The following CSGALNACT2 variants were observed in gnomAD, a reference collection of about 807,000 sequenced individuals.
CSGALNACT2 encodes chondroitin sulfate N-acetylgalactosaminyltransferase 2, also known as beta 4 GalNAcT-2.
Under a neutral mutation model 55.3 loss-of-function variants are expected in CSGALNACT2, and 35 were observed. The ratio of observed to expected loss-of-function variants is 0.63; its 90% confidence interval spans 0.48 to 0.84. CSGALNACT2 has a LOEUF of 0.84. Ranked by LOEUF, CSGALNACT2 falls within the 40% of genes least tolerant of loss-of-function variation. CSGALNACT2 has a pLI of 0.00. For missense variants in CSGALNACT2, 544 were observed against 657.5 expected (o/e 0.83, Z 1.89); for synonymous variants, 196 against 224.9 (o/e 0.87, Z 1.15).
At chr10:43,166,204 C>A (rs768137796) in intron 5 of CSGALNACT2, among the ~76,000 whole-genome samples, 1 of 152,136 alleles carries the variant, frequency 6.6e-6, no homozygotes, top group Non-Finnish European at 1.5e-5. Context: ...TATTTTATAT[C>A]CAGAAATAGA....
chr10:43,172,127 A>G (rs1281242776), intron 6 of CSGALNACT2, among the ~76,000 whole-genome samples: 3 of 152,196 alleles, frequency 2.0e-5, no homozygotes, highest in African/African-American at 7.2e-5. Context: ...TCCACCCCCA[A>G]CAGTCTTTCC....
In CSGALNACT2 at chr10:43,185,023, G is replaced by A. The variant is rs894194077; in HGVS notation, c.*1481G>A. ...GATTTTTTTAAAAGATGTGTGAAATGTTCTCTGCAAAATAATTCAGGCCAC... is the reference window on the plus strand; with the variant it reads ...GATTTTTTTAAAAGATGTGTGAAATATTCTCTGCAAAATAATTCAGGCCAC... On this transcript the variant is annotated 3_prime_UTR_variant, in exon 8 of 8. Transcript: ENST00000374466. 4 of 152,010 alleles carry A rather than the reference G, an allele frequency of 2.6e-5. No homozygotes were observed. Among genetic ancestry groups the A allele is most frequent in the African/African-American group, 9.7e-5 (4 of 41,424 alleles). The allele number at this position is 152,010 out of a possible 1,614,324, so 9.4% of individuals were successfully genotyped here.
chr10:43,155,873 GGTATTGTATTGTA>G, intron 2 of CSGALNACT2, 63 bp downstream of exon 2: 1 of 1,321,970 alleles, frequency 7.6e-7, no homozygotes, highest in Non-Finnish European at 1.1e-6. Context: ...ATTGTATGCT[GGTATTGTATTGTA>G]GTATTGTACT....
chr10:43,179,249 GT>G (rs370486751), intron 7 of CSGALNACT2, among the ~76,000 whole-genome samples: 2,606 of 129,268 alleles, frequency 0.02, 58 homozygotes, highest in African/African-American at 0.058. Context: ...TTGCTTGCCG[GT>G]TTTTTTTTTT....
chr10:43,173,799 C>T (rs1220219480), intron 6 of CSGALNACT2, among the ~76,000 whole-genome samples: 1 of 152,062 alleles, frequency 6.6e-6, no homozygotes, highest in African/African-American at 2.4e-5. Flanking sequence ...TCGATACCAG[C>T]CTGGCCAACA....
intron 1 of CSGALNACT2, among the ~76,000 whole-genome samples, chr10:43,143,250 A>C (rs904947114): frequency 6.6e-6 from 1 of 152,224 alleles, no homozygotes; most frequent in African/African-American, 2.4e-5. Context: ...ATAAAGATGT[A>C]CCTAATTCCT....
chr10:43,176,539 A>G (rs1164658229), intron 7 of CSGALNACT2, among the ~76,000 whole-genome samples: 2 of 152,206 alleles, frequency 1.3e-5, no homozygotes, highest in Non-Finnish European at 2.9e-5. Context: ...CACCTTAGTC[A>G]TGCATTCCCC....
intron 1 of CSGALNACT2, among the ~76,000 whole-genome samples, chr10:43,145,410 C>CTT (rs71016727): frequency 0.023 from 2,330 of 99,346 alleles, 114 homozygotes; most frequent in East Asian, 0.11. Context: ...TTGTTTGTTT[C>CTT]TTTTTTTTTT....
intron 6 of CSGALNACT2, among the ~76,000 whole-genome samples, chr10:43,170,652 A>G (rs1403303813): frequency 1.3e-5 from 2 of 152,248 alleles, no homozygotes; most frequent in Admixed American, 6.5e-5. Flanking sequence ...ACAGAATTCC[A>G]AATAACTTAT....
At chr10:43,161,029 T>TA (rs1431915726) in intron 4 of CSGALNACT2, among the ~76,000 whole-genome samples, 1 of 152,204 alleles carries the variant, frequency 6.6e-6, no homozygotes, top group African/African-American at 2.4e-5. Context: ...GCCCAGCCAC[T>TA]ACTGTTATGT....
At position 43,158,932 on chromosome 10, in the gene CSGALNACT2, G is replaced by A. The variant is rs947906054; in HGVS notation, c.878+1G>A. ...TTGTACAATTTATGCAGAACTTCAG[G>A]TAACTGTCAGGGCTTAATGATTAAG... On this transcript the variant is annotated splice_donor_variant, in intron 3 of 7. Transcript: ENST00000374466. LOFTEE classifies it high-confidence loss of function. 6.4e-7 allele frequency: 1 copy of A among 1,564,800 alleles called. No individual in the cohort carries two copies.
chr10:43,162,318 G>A (rs1588903732), intron 4 of CSGALNACT2: 1 of 766,544 alleles, frequency 1.3e-6, no homozygotes, highest in Non-Finnish European at 2.1e-6. Context: ...AAAATCCCAG[G>A]GAAGGACATT....
rs748709199 is a variant in CSGALNACT2, at chr10:43,163,863, TAGTG to T, written c.982_985del (p.Glu328LeufsTer11). On this transcript the variant is annotated splice_acceptor_variant and coding_sequence_variant, in exon 5 of 8. Coordinates refer to ENST00000374466, the MANE Select transcript of CSGALNACT2 (RefSeq NM_018590.5). LOFTEE classifies it high-confidence loss of function. ...TCATTTGTTGTGTGTGCTTTCCTCA[TAGTG>T]AGTCTAATTTTCACAATTACACCTT... 3.1e-6 allele frequency: 5 copies of T among 1,611,584 alleles called. No individual in the cohort carries two copies. The highest frequency in any genetic ancestry group is 4.2e-6 in the Non-Finnish European group (5 of 1,178,476).
intron 6 of CSGALNACT2, among the ~76,000 whole-genome samples, chr10:43,175,182 A>G (rs908388484): frequency 1.2e-4 from 19 of 152,130 alleles, no homozygotes; most frequent in Admixed American, 1.0e-3. Flanking sequence ...CAACTACTCA[A>G]CTCTGCCACT....
chr10:43,142,393 G>A (rs1164667698), intron 1 of CSGALNACT2, among the ~76,000 whole-genome samples: 3 of 151,928 alleles, frequency 2.0e-5, no homozygotes, highest in Non-Finnish European at 2.9e-5. Flanking sequence ...TAGTAGAGAC[G>A]GGGTTTCACC....
chr10:43,160,528 C>G lies in CSGALNACT2; in HGVS notation c.913C>G (p.Leu305Val), dbSNP rs1293920977. Reference sequence around the variant, plus strand: ...TATTCATCAAGACAAGAAGATTCATCTCACAGTGGTGTATTTTGGTAAAGA... The same window carrying G: ...TATTCATCAAGACAAGAAGATTCATGTCACAGTGGTGTATTTTGGTAAAGA... ...VCIHQDKKIH[L>V]TVVYFGKEGL... is the part of the protein sequence containing the mutation. Residue 305 changes from leucine (L) to valine (V), a missense_variant, in exon 4 of 8, where the codon CTC becomes GTC. Leu to Val is a conservative substitution (Grantham distance 32, BLOSUM62 1). Transcript: ENST00000374466. 2.5e-6 allele frequency: 4 copies of G among 1,587,748 alleles called. No individual in the cohort carries two copies. In the African/African-American group the frequency reaches 5.4e-5, roughly 21 times the overall value.
In CSGALNACT2 at chr10:43,164,047, G is replaced by A; in HGVS notation, c.1159+3G>A. On this transcript the variant is annotated splice_donor_region_variant and intron_variant, in intron 5 of 7. Coordinates refer to ENST00000374466, the MANE Select transcript of CSGALNACT2 (RefSeq NM_018590.5). ...CTGCCGGTTAAATGCTGAGCCAGGT[G>A]CGTAAAATGTTGGTAGATGAGCTGA... 1 of 1,610,034 alleles carries A rather than the reference G, an allele frequency of 6.2e-7. No homozygotes were observed. The highest frequency in any genetic ancestry group is 8.5e-7 in the Non-Finnish European group (1 of 1,177,352).
intron 6 of CSGALNACT2, among the ~76,000 whole-genome samples, chr10:43,167,828 A>T (rs915394814): frequency 1.3e-5 from 2 of 152,068 alleles, no homozygotes; most frequent in Non-Finnish European, 2.9e-5. Flanking sequence ...ATCTTTTATT[A>T]TTAATACTAA....
chr10:43,161,780 C>T (rs999056685), intron 4 of CSGALNACT2, among the ~76,000 whole-genome samples: 2 of 152,166 alleles, frequency 1.3e-5, no homozygotes, highest in African/African-American at 4.8e-5. Flanking sequence ...CTCCAGTTAC[C>T]TCTAATTAGT....
Sources: gnomAD v4.1 joint callset for allele counts (sites outside exome capture counted in the v4.1 genomes callset) on GRCh38, gnomAD v4.1.1 for gene constraint, MANE v1.5 for transcripts, NCBI Gene and HGNC (gene_info 2026-07-23, HGNC 2026-07-21) for gene names.